Variants in RHBDD1 observed in about 807,000 individuals in gnomAD.
RHBDD1 encodes the protein rhomboid domain containing 1.
In RHBDD1, 38 loss-of-function variants were observed where a neutral mutation model predicts 36.3. The ratio of observed to expected loss-of-function variants is 1.05; its 90% CI spans 0.81 to 1.37. RHBDD1 has a LOEUF of 1.37. Ranked by LOEUF, RHBDD1 falls within the 40% of genes most tolerant of loss-of-function variation. The pLI is 0.00. For synonymous variants in RHBDD1, 151 were observed against 136.5 expected (o/e 1.11, Z -0.74); for missense variants, 393 against 377.6 (o/e 1.04, Z -0.34).
Position 226,995,622 on chromosome 2 carries a change from A to G in RHBDD1, c.*100A>G. ...ATTTTAATTCATTTTAAACAAAAGC[A>G]GAGTACACCGGTATTGCTCCAGATC... On this transcript the variant is annotated 3_prime_UTR_variant, in exon 9 of 9. Coordinates refer to ENST00000392062, the MANE Select transcript of RHBDD1 (RefSeq NM_001167608.3). 3 of 830,532 alleles carry G rather than the reference A, an allele frequency of 3.6e-6. No individual in the cohort carries two copies. Among genetic ancestry groups the G allele is most frequent in the South Asian group, 3.0e-5 (2 of 65,772 alleles). 51.4% of individuals were successfully genotyped at this position (830,532 alleles called of 1,614,324 possible). A position where few individuals can be genotyped will look rare whatever the true frequency, so the allele number is the denominator to read the frequency against.
intron 5 of RHBDD1, among the ~76,000 whole-genome samples, chr2:226,890,804 C>A (rs1465133193): frequency 6.6e-6 from 1 of 151,998 alleles, no homozygotes; most frequent in African/African-American, 2.4e-5. Flanking sequence ...CTATTATGTA[C>A]CCATAAAAAT....
chr2:226,880,725 T>A (rs1247422807), intron 5 of RHBDD1, among the ~76,000 whole-genome samples: 1 of 152,224 alleles, frequency 6.6e-6, no homozygotes, highest in Non-Finnish European at 1.5e-5. Flanking sequence ...AAAGACAGTT[T>A]CATCTGACTA....
intron 7 of RHBDD1, among the ~76,000 whole-genome samples, chr2:226,909,580 G>A (rs1328290043): frequency 6.6e-6 from 1 of 152,090 alleles, no homozygotes; most frequent in Non-Finnish European, 1.5e-5. Context: ...GATTTTAGTA[G>A]GGTAGGAGTT....
At chr2:226,968,888 T>C (rs1306471922) in intron 8 of RHBDD1, 1 of 152,262 alleles carries the variant, frequency 6.6e-6, no homozygotes, top group African/African-American at 2.4e-5. Context: ...GTACTTGTCA[T>C]AACTGTCCTC....
At chr2:226,914,469 T>C (rs1948758067) in intron 8 of RHBDD1, 118 bp downstream of exon 8, 1 of 1,180,992 alleles carries the variant, frequency 8.5e-7, no homozygotes, top group Non-Finnish European at 1.2e-6. Flanking sequence ...GATATGTAGA[T>C]GAAAACTGTG....
In RHBDD1 at chr2:226,995,641, C is replaced by G; in HGVS notation, c.*119C>G. On this transcript the variant is annotated 3_prime_UTR_variant, in exon 9 of 9. Coordinates refer to ENST00000392062, the MANE Select transcript of RHBDD1 (RefSeq NM_001167608.3). ...AAAAGCAGAGTACACCGGTATTGCTCCAGATCGCTCACATCACCTGGGACA... is the reference window on the plus strand; with the variant it reads ...AAAAGCAGAGTACACCGGTATTGCTGCAGATCGCTCACATCACCTGGGACA... 1 of 725,440 alleles carries G rather than the reference C, an allele frequency of 1.4e-6. No homozygotes were observed. The highest frequency in any genetic ancestry group is 1.8e-5 in the African/African-American group (1 of 56,610). The allele number at this position is 725,440 out of a possible 1,614,324, so 44.9% of individuals were successfully genotyped here. A position where few individuals can be genotyped will look rare whatever the true frequency, so the allele number is the denominator to read the frequency against.
intron 3 of RHBDD1, among the ~76,000 whole-genome samples, chr2:226,848,162 A>G (rs1942420934): frequency 6.6e-6 from 1 of 152,230 alleles, no homozygotes; most frequent in African/African-American, 2.4e-5. Flanking sequence ...TTACCAAAAG[A>G]AGTTCGGTAT....
chr2:226,929,109 C>T (rs1949851525), intron 8 of RHBDD1, among the ~76,000 whole-genome samples: 1 of 152,012 alleles, frequency 6.6e-6, no homozygotes, highest in South Asian at 2.1e-4. Context: ...GAAACTATTC[C>T]AAAAGACTGA....
At position 226,908,816 on chromosome 2, in the gene RHBDD1, G is replaced by T. The variant is rs374908840; in HGVS notation, c.656-6G>T. 1.3e-6 allele frequency: 2 copies of T among 1,598,120 alleles called. No individual in the cohort carries two copies. Among genetic ancestry groups the T allele is most frequent in the African/African-American group, 2.7e-5 (2 of 74,484 alleles). On this transcript the variant is annotated splice_region_variant and splice_polypyrimidine_tract_variant and intron_variant, in intron 6 of 8. Transcript: ENST00000392062. ...CCATTAAAATGTTTATTTCTTTTACGTTTAGGCGGTTTTTCCTCCAGTGTT... is the reference window on the plus strand; with the variant it reads ...CCATTAAAATGTTTATTTCTTTTACTTTTAGGCGGTTTTTCCTCCAGTGTT...
At chr2:226,811,914 G>A in the RHBDD1 span, among the ~76,000 whole-genome samples, 1,402 of 152,276 alleles carry the variant, frequency 9.2e-3, 15 homozygotes, top group Middle Eastern at 0.024. Flanking sequence ...TAAGTCATGC[G>A]GACACAGCAG....
chr2:226,855,335 C>G (rs779543506), intron 3 of RHBDD1, among the ~76,000 whole-genome samples: 1 of 152,128 alleles, frequency 6.6e-6, no homozygotes, highest in Non-Finnish European at 1.5e-5. Context: ...CAGCAAGACC[C>G]CATCTCTACA....
At chr2:226,947,819 C>T (rs954087926) in intron 8 of RHBDD1, among the ~76,000 whole-genome samples, 31 of 152,084 alleles carry the variant, frequency 2.0e-4, no homozygotes, top group African/African-American at 7.0e-4. Flanking sequence ...TGAAAAAATG[C>T]TCATCATCAC....
chr2:226,843,228 C>A (rs545585768), intron 3 of RHBDD1, among the ~76,000 whole-genome samples: 2 of 152,146 alleles, frequency 1.3e-5, no homozygotes, highest in Non-Finnish European at 2.9e-5. Flanking sequence ...CAGATAATTT[C>A]ACTTCCTCTC....
chr2:226,816,589 C>G, the RHBDD1 span, among the ~76,000 whole-genome samples: 13 of 151,878 alleles, frequency 8.6e-5, no homozygotes, highest in Admixed American at 6.6e-4. Context: ...CAGATTATAC[C>G]AAGAAAATAT....
chr2:226,912,260 T>A (rs7579961), intron 7 of RHBDD1, among the ~76,000 whole-genome samples: 66,429 of 151,934 alleles, frequency 0.44, 14,683 homozygotes, highest in South Asian at 0.5. Context: ...CTTGTAGGAA[T>A]AGAAAATGGT....
intron 8 of RHBDD1, among the ~76,000 whole-genome samples, chr2:226,959,231 A>C (rs536013941): frequency 1.3e-5 from 2 of 152,334 alleles, no homozygotes; most frequent in South Asian, 4.1e-4. Flanking sequence ...TTAAGAAGGC[A>C]CCGTATAACA....
At chr2:226,843,398 C>T (rs1941884606) in intron 3 of RHBDD1, among the ~76,000 whole-genome samples, 1 of 152,096 alleles carries the variant, frequency 6.6e-6, no homozygotes, top group South Asian at 2.1e-4. Flanking sequence ...ATGATATTGG[C>T]TGTGGGTTTG....
At chr2:226,917,344 CT>C (rs755382952) in intron 8 of RHBDD1, among the ~76,000 whole-genome samples, 5 of 151,988 alleles carry the variant, frequency 3.3e-5, no homozygotes, top group African/African-American at 7.2e-5. Flanking sequence ...TTTACTACCC[CT>C]ATTTTAAATT....
At chr2:226,993,143 C>T (rs1452560232) in intron 8 of RHBDD1, among the ~76,000 whole-genome samples, 1 of 152,222 alleles carries the variant, frequency 6.6e-6, no homozygotes, top group Non-Finnish European at 1.5e-5. Context: ...TCTTCCTAGT[C>T]TGCCCCTTCT....
Sources: gnomAD v4.1 joint callset for allele counts (sites outside exome capture counted in the v4.1 genomes callset) on GRCh38, gnomAD v4.1.1 for gene constraint, MANE v1.5 for transcripts, NCBI Gene and HGNC (gene_info 2026-07-23, HGNC 2026-07-21) for gene names.